Variants in ADGRL2 observed in about 807,000 individuals in gnomAD.
ADGRL2 encodes adhesion G protein-coupled receptor L2, also known as calcium-independent alpha-latrotoxin receptor 2.
Under a neutral mutation model 157.4 loss-of-function variants are expected in ADGRL2, and 44 were observed. That is an observed-to-expected ratio of 0.28 (90% confidence interval 0.22 to 0.36). ADGRL2 has a LOEUF of 0.36. Ranked by LOEUF, ADGRL2 falls within the 10% of genes least tolerant of loss-of-function variation. ADGRL2 has a pLI of 1.00. For missense variants in ADGRL2, 1,510 were observed against 1,768.9 expected (o/e 0.85, Z 2.63); for synonymous variants, 585 against 624.7 (o/e 0.94, Z 0.95).
Position 81,467,609 on chromosome 1 carries a change from G to A in ADGRL2, c.-248+22520G>A, listed in dbSNP as rs1009347523. Among the ~76,000 whole-genome samples, 4 of 152,218 alleles carry A rather than the reference G, an allele frequency of 2.6e-5. 1 individual carries two copies. Among genetic ancestry groups the A allele is most frequent in the Non-Finnish European group, 4.4e-5 (3 of 68,026 alleles). Reference sequence around the variant, plus strand: ...ATGGACTTAATAAACTCCATTGTGCGGTTAGATCCCTAGTGAGATTTCCTG... The same window carrying A: ...ATGGACTTAATAAACTCCATTGTGCAGTTAGATCCCTAGTGAGATTTCCTG... On this transcript the variant is annotated intron_variant, in intron 2 of 24. Transcript: ENST00000370721.
At position 81,525,434 on chromosome 1, in the gene ADGRL2, C is replaced by T. The variant is rs190687548; in HGVS notation, c.-247-55442C>T. 2.3e-3 allele frequency among the ~76,000 whole-genome samples: 346 copies of T among 152,268 alleles called. 1 individual carries two copies. Among genetic ancestry groups the T allele is most frequent in the East Asian group, 5.8e-3 (30 of 5,170 alleles). The stretch of plus-strand genomic sequence containing the variant: ...CTGGGTTCAAGCGATTCTCATGCCT[C>T]AGCCTCCCGAACAGCTGGGATTGCA... On this transcript the variant is annotated intron_variant, in intron 2 of 24. Transcript: ENST00000370721.
intron 2 of ADGRL2, among the ~76,000 whole-genome samples, chr1:81,577,060 C>T (rs531243340): frequency 5.3e-5 from 8 of 152,290 alleles, no homozygotes; most frequent in South Asian, 2.1e-4. Flanking sequence ...CAAGAGCAAG[C>T]TTTCTGATTC....
At chr1:81,624,596 G>A (rs200665780) in intron 3 of ADGRL2, among the ~76,000 whole-genome samples, 80 of 152,024 alleles carry the variant, frequency 5.3e-4, no homozygotes, top group Non-Finnish European at 9.7e-4. Flanking sequence ...AATTGCTGAC[G>A]TTGTGAAAAC....
Position 81,555,425 on chromosome 1 carries a change from T to C in ADGRL2, c.-247-25451T>C, listed in dbSNP as rs184796131. On this transcript the variant is annotated intron_variant, in intron 2 of 24. Transcript: ENST00000370721. ...CTGGGATTACAGGCACCCGCCACCA[T>C]ATCTGGCTAATTTTTATATTTTTAG... Among the ~76,000 whole-genome samples, 91 of 152,034 alleles carry C rather than the reference T, an allele frequency of 6.0e-4. 1 individual carries two copies. Among genetic ancestry groups the C allele is most frequent in the Middle Eastern group, 3.4e-3 (1 of 294 alleles).
intron 2 of ADGRL2, among the ~76,000 whole-genome samples, chr1:81,557,986 T>A (rs899023146): frequency 3.9e-5 from 6 of 152,214 alleles, no homozygotes; most frequent in African/African-American, 1.4e-4. Context: ...CCCTACATAA[T>A]ATTTATACGG....
intron 2 of ADGRL2, among the ~76,000 whole-genome samples, chr1:81,847,639 A>T (rs1393216017): frequency 3.3e-5 from 5 of 151,636 alleles, no homozygotes; most frequent in African/African-American, 1.2e-4. Flanking sequence ...TTGACCTTTT[A>T]TGTGGTGAGT....
At chr1:81,539,382 C>A (rs1343050091) in intron 2 of ADGRL2, among the ~76,000 whole-genome samples, 1 of 152,186 alleles carries the variant, frequency 6.6e-6, no homozygotes, top group Admixed American at 6.5e-5. Context: ...AGCTACAAGG[C>A]ATGTTAGCAT....
Position 81,968,116 on chromosome 1 carries a change from G to T in ADGRL2, c.2440G>T (p.Val814Phe), listed in dbSNP as rs1340238659. The change falls in exon 14 of 24, where the codon GTT becomes TTT. Residue 814 changes from valine to phenylalanine, a missense_variant. By Grantham distance (50) the Val-to-Phe change is conservative (BLOSUM62 -1). Around this residue, in one of 4 missense-constraint regions of ADGRL2, gnomAD observed 497 missense variants for 627.2 expected, o/e 0.79. Coordinates refer to ENST00000686636, the MANE Select transcript of ADGRL2 (RefSeq NM_001366006.2). ...GYWSTQGCKL[V>F]DTNKTRTTCA... ...TTGGTCTACCCAGGGCTGCAAGCTG[G>T]TTGACACTAATAAAACTCGAACAAC... 6.2e-7 allele frequency: 1 copy of T among 1,613,234 alleles called. No individual in the cohort carries two copies. Among genetic ancestry groups the T allele is most frequent in the Admixed American group, 1.7e-5 (1 of 59,832 alleles).
At chr1:81,875,062 C>T (rs2093801753) in intron 2 of ADGRL2, among the ~76,000 whole-genome samples, 1 of 151,908 alleles carries the variant, frequency 6.6e-6, no homozygotes, top group South Asian at 2.1e-4. Flanking sequence ...GCTGGATTGC[C>T]TGTGTTTTAA....
At chr1:81,310,487 A>G (rs1047782804) in intron 1 of ADGRL2, among the ~76,000 whole-genome samples, 1 of 152,170 alleles carries the variant, frequency 6.6e-6, no homozygotes, top group African/African-American at 2.4e-5. Context: ...ATGGGTCAGT[A>G]GCAATTGAGC....
At chr1:81,352,289 A>T (rs1662956186) in intron 1 of ADGRL2, among the ~76,000 whole-genome samples, 2 of 152,368 alleles carry the variant, frequency 1.3e-5, no homozygotes, top group Admixed American at 6.5e-5. Flanking sequence ...GATGGGCCAC[A>T]CCTGAGTTTT....
intron 1 of ADGRL2, among the ~76,000 whole-genome samples, chr1:81,818,783 G>A (rs1044632486): frequency 5.9e-5 from 9 of 152,084 alleles, no homozygotes; most frequent in African/African-American, 2.2e-4. Context: ...GCAGAGAAAA[G>A]GTTGTAAAAA....
At chr1:81,415,370 C>A (rs1161729800) in intron 1 of ADGRL2, among the ~76,000 whole-genome samples, 1 of 152,126 alleles carries the variant, frequency 6.6e-6, no homozygotes, top group Admixed American at 6.6e-5. Flanking sequence ...TAAAATTACT[C>A]AATAGTGGCC....
chr1:81,574,646 T>C (rs577490428), intron 2 of ADGRL2, among the ~76,000 whole-genome samples: 16 of 152,158 alleles, frequency 1.1e-4, no homozygotes, highest in Non-Finnish European at 1.9e-4. Context: ...AGAAGTAGCA[T>C]GAATCAGCTC....
intron 1 of ADGRL2, chr1:81,721,675 G>A (rs12082629): frequency 8.9e-7 from 1 of 1,126,340 alleles, no homozygotes; most frequent in South Asian, 1.3e-5. Flanking sequence ...CTTCAGCTTC[G>A]CCCACTGCTT....
chr1:81,865,469 T>C (rs1286127420), intron 2 of ADGRL2, among the ~76,000 whole-genome samples: 3 of 152,238 alleles, frequency 2.0e-5, no homozygotes, highest in African/African-American at 7.2e-5. Context: ...TTTTTAAAAA[T>C]ATCCTCTTCA....
intron 3 of ADGRL2, among the ~76,000 whole-genome samples, chr1:81,673,584 G>A (rs1435522913): frequency 1.4e-5 from 2 of 146,072 alleles, no homozygotes; most frequent in South Asian, 2.2e-4. Flanking sequence ...GCGCGATCTC[G>A]GCTCACTGCA....
chr1:81,497,310 CTTTG>C (rs1042737869), intron 2 of ADGRL2, among the ~76,000 whole-genome samples: 12 of 152,046 alleles, frequency 7.9e-5, no homozygotes, highest in Non-Finnish European at 1.2e-4. Flanking sequence ...CAAGAGGTTT[CTTTG>C]TTTGTATATT....
At chr1:81,723,399 A>C (rs1352949825) in intron 1 of ADGRL2, among the ~76,000 whole-genome samples, 1 of 152,350 alleles carries the variant, frequency 6.6e-6, no homozygotes, top group East Asian at 1.9e-4. Context: ...AACTTTAAAC[A>C]CTTTTTAAAC....
Sources: allele counts gnomAD v4.1 joint callset (sites outside exome capture counted in the v4.1 genomes callset), GRCh38; gene constraint gnomAD v4.1.1; regional missense constraint gnomAD v4.1.1; transcripts MANE v1.5; gene names NCBI Gene and HGNC (gene_info 2026-07-23, HGNC 2026-07-21).